The following RYR3 variants were observed in gnomAD, a reference collection of about 807,000 sequenced individuals.
RYR3 encodes brain ryanodine receptor-calcium release channel.
In RYR3, 207 loss-of-function variants were observed where a neutral mutation model predicts 584.3. The observed-to-expected ratio is 0.35, with a 90% CI of 0.32 to 0.40. The LOEUF (loss-of-function observed/expected upper bound fraction) is 0.40. Among genes scored for constraint, RYR3 ranks in the 10% least tolerant of loss-of-function variants. RYR3 has a pLI of 1.00. For synonymous variants in RYR3, 2,416 were observed against 2,248.5 expected, an observed-to-expected ratio of 1.07 and a Z score of -2.11; for missense variants, 5,616 against 6,089.2, an observed-to-expected ratio of 0.92 and a Z score of 2.59.
intron 74 of RYR3, among the ~76,000 whole-genome samples, chr15:33,814,391 C>T (rs2076697405): frequency 6.6e-6 from 1 of 152,214 alleles, no homozygotes; most frequent in Non-Finnish European, 1.5e-5. Context: ...CTCACTTGCT[C>T]AGGGAAATTA....
chr15:33,755,349 T>G (rs150071524), intron 58 of RYR3, among the ~76,000 whole-genome samples, 169 bp downstream of exon 58: 1 of 152,118 alleles, frequency 6.6e-6, no homozygotes, highest in East Asian at 1.9e-4. Flanking sequence ...GGCCGGGCGC[T>G]GTGGCTCACA....
At position 33,570,039 on chromosome 15, in the gene RYR3, T is replaced by C. The variant is rs111838338; in HGVS notation, c.1268+3240T>C. 8.5e-4 allele frequency among the ~76,000 whole-genome samples: 129 copies of C among 152,166 alleles called. 1 individual carries two copies. The highest frequency in any genetic ancestry group is 1.4e-3 in the Non-Finnish European group (97 of 67,982). On this transcript the variant is annotated intron_variant, in intron 12 of 103. Transcript: ENST00000634891. Reference sequence around the variant, plus strand: ...TCTCTTGGTCTTTGGCTTTTCTCATTTTTTTTAAATGGTGTCTTTTGAAGC... The same window carrying C: ...TCTCTTGGTCTTTGGCTTTTCTCATCTTTTTTAAATGGTGTCTTTTGAAGC...
At chr15:33,601,672 A>G (rs2059668675) in intron 17 of RYR3, 120 bp downstream of exon 17, 1 of 1,031,740 alleles carries the variant, frequency 9.7e-7, no homozygotes, top group Non-Finnish European at 1.4e-6. Flanking sequence ...ATGGTGATAC[A>G]AGTACATAAG....
At chr15:33,736,904 A>G (rs1286212894) in intron 49 of RYR3, among the ~76,000 whole-genome samples, 1 of 152,058 alleles carries the variant, frequency 6.6e-6, no homozygotes, top group Non-Finnish European at 1.5e-5. Flanking sequence ...ACATGCTACT[A>G]TGCCCAGCTA....
chr15:33,796,832 A>G (rs772283225), intron 67 of RYR3, among the ~76,000 whole-genome samples: 1 of 152,210 alleles, frequency 6.6e-6, no homozygotes, highest in Admixed American at 6.5e-5. Context: ...TCACAACAGC[A>G]AAGATATGCC....
chr15:33,768,554 C>T, intron 60 of RYR3, 104 bp from the exon 61 acceptor site: 1 of 976,328 alleles, frequency 1.0e-6, no homozygotes, highest in Non-Finnish European at 1.7e-6. Context: ...GAATGCCACT[C>T]TGTGCTCTCT....
Position 33,311,018 on chromosome 15 carries a change from C to T in RYR3, c.-28C>T. 1 of 1,563,334 alleles carries T rather than the reference C, an allele frequency of 6.4e-7. No individual in the cohort carries two copies. Among genetic ancestry groups the T allele is most frequent in the Non-Finnish European group, 8.7e-7 (1 of 1,154,882 alleles). ...CCGGGGGAAGCAGAGGCGCCGGAGG[C>T]TGGGGCACCGCCGACGCCTCGGGAG... On this transcript the variant is annotated 5_prime_UTR_variant, in exon 1 of 104. Coordinates refer to ENST00000634891, the MANE Select transcript of RYR3 (RefSeq NM_001036.6). This position sits in a 1 kb window ranked among gnomAD's most constrained non-coding sequence, Gnocchi z 4.4.
chr15:33,749,059 T>C (rs2071026003), intron 55 of RYR3, among the ~76,000 whole-genome samples: 1 of 152,198 alleles, frequency 6.6e-6, no homozygotes, highest in Admixed American at 6.5e-5. Context: ...TTTCCAAATA[T>C]TTTCAAGCTA....
chr15:33,630,072 C>T (rs11632118), intron 22 of RYR3, 29 bp downstream of exon 22: 62,379 of 1,270,788 alleles, frequency 0.049, 1,663 homozygotes, highest in East Asian at 0.075. Flanking sequence ...TGAAGTTTTA[C>T]AAACAATGAA....
intron 20 of RYR3, among the ~76,000 whole-genome samples, chr15:33,624,863 A>G (rs2060904184): frequency 6.6e-6 from 1 of 152,226 alleles, no homozygotes. Flanking sequence ...TCATTTCCCC[A>G]ATATAGCTCT....
Position 33,402,432 on chromosome 15 carries a change from C to G in RYR3, c.52-70987C>G, listed in dbSNP as rs112616223. Among the ~76,000 whole-genome samples the G allele has an allele frequency of 3.9e-5, 6 of 152,324 alleles. 1 individual carries two copies. The highest frequency in any genetic ancestry group is 1.4e-4 in the African/African-American group (6 of 41,574). The stretch of plus-strand genomic sequence containing the variant: ...AGGCACACAGGAGGCTTTCATAAAC[C>G]AGTTGTATCAAATATGGGAAAAGCA... On this transcript the variant is annotated intron_variant, in intron 1 of 103. Transcript: ENST00000634891.
chr15:33,823,830 C>CT (rs2077234426), intron 81 of RYR3, among the ~76,000 whole-genome samples: 1 of 152,052 alleles, frequency 6.6e-6, no homozygotes, highest in African/African-American at 2.4e-5. Flanking sequence ...AGAAATTAAA[C>CT]TTTTAATTAC....
intron 1 of RYR3, among the ~76,000 whole-genome samples, chr15:33,323,558 A>G (rs1487228032): frequency 1.3e-5 from 2 of 152,132 alleles, no homozygotes; most frequent in African/African-American, 4.8e-5. Context: ...GGGGTGGAAG[A>G]TGTACTTAAA....
rs143819634 is a variant in RYR3 at position 33,409,324 on chromosome 15, A to G, written c.52-64095A>G. Among the ~76,000 whole-genome samples, 1,444 of 150,844 alleles carry G rather than the reference A, an allele frequency of 9.6e-3. 30 individuals are homozygous for G. Among genetic ancestry groups the G allele is most frequent in the African/African-American group, 0.031 (1,261 of 40,988 alleles). ...AGTAAAAAACAAATCACTGATCCAA[A>G]TAAACTTGAGTTTCAAAAAATCTAA... On this transcript the variant is annotated intron_variant, in intron 1 of 103. Coordinates refer to ENST00000634891, the MANE Select transcript of RYR3 (RefSeq NM_001036.6).
At chr15:33,779,104 G>A (rs7169486) in intron 64 of RYR3, among the ~76,000 whole-genome samples, 31,582 of 151,990 alleles carry the variant, frequency 0.21, 3,382 homozygotes, top group South Asian at 0.27. Context: ...CTCTAGTTCA[G>A]CAGATTTATA....
intron 2 of RYR3, among the ~76,000 whole-genome samples, chr15:33,482,142 C>T (rs78859593): frequency 0.021 from 3,258 of 152,182 alleles, 54 homozygotes; most frequent in Non-Finnish European, 0.027. Context: ...GGGACAAACT[C>T]TCCAAGCTTC....
rs200109177 is a variant in RYR3 at position 33,669,454 on chromosome 15, G to T, written c.5720G>T (p.Cys1907Phe). The stretch of plus-strand genomic sequence containing the variant: ...TTCCATGAGGACCTTCTCCTTCACT[G>T]TGGTAAGCTGCCCAGAGAAAGGCTT... ...YDFHEDLLLH[C>F]GVPLEEEEEE... Residue 1907 changes from cysteine to phenylalanine, a missense_variant and splice_region_variant, in exon 37 of 104, where the codon TGT becomes TTT. Physicochemically the swap from Cys to Phe is radical, Grantham distance 205. Around this residue, in one of 9 missense-constraint regions of RYR3, gnomAD observed 1,280 missense variants for 1,426.2 expected, o/e 0.90. Coordinates refer to ENST00000634891, the MANE Select transcript of RYR3 (RefSeq NM_001036.6). The T allele has an allele frequency of 6.2e-7, 1 of 1,613,370 alleles. No homozygotes were observed.
chr15:33,448,199 C>A (rs2046829370), intron 1 of RYR3, among the ~76,000 whole-genome samples: 2 of 152,176 alleles, frequency 1.3e-5, no homozygotes, highest in Admixed American at 1.3e-4. Flanking sequence ...GGAGGATAAG[C>A]AGCCCCTCTC....
intron 1 of RYR3, among the ~76,000 whole-genome samples, chr15:33,356,012 A>T (rs1242331289): frequency 1.3e-5 from 2 of 152,204 alleles, no homozygotes; most frequent in Non-Finnish European, 2.9e-5. Context: ...TAGGACATTC[A>T]GGTGGAGATT....
Sources: allele counts gnomAD v4.1 joint callset (sites outside exome capture counted in the v4.1 genomes callset), GRCh38; gene constraint gnomAD v4.1.1; regional missense constraint gnomAD v4.1.1; non-coding constraint Gnocchi (gnomAD v3.1); transcripts MANE v1.5; gene names NCBI Gene and HGNC (gene_info 2026-07-23, HGNC 2026-07-21).